ATP9B: variants seen among roughly 807,000 people sequenced by gnomAD.
ATP9B encodes the protein probable phospholipid-transporting ATPase IIB.
A neutral mutation model predicts 146.1 loss-of-function variants in ATP9B; 110 were observed. That is an observed-to-expected ratio of 0.75 (90% CI 0.65 to 0.88). The LOEUF (loss-of-function observed/expected upper bound fraction) is 0.88. Among genes scored for constraint, ATP9B ranks in the 40% least tolerant of loss-of-function variants. ATP9B has a pLI of 0.00. For missense variants in ATP9B, 1,499 were observed against 1,496.4 expected (o/e 1.00, Z -0.03); for synonymous variants, 604 against 569.7 (o/e 1.06, Z -0.86).
At position 79,365,678 on chromosome 18, in the gene ATP9B, G is replaced by A. The variant is rs182204501; in HGVS notation, c.3012+6216G>A. ...CATGCGTGGATGGAAGGACATCTCC[G>A]TGGACGGGGACAGCTCCCGCGTGAT... On this transcript the variant is annotated intron_variant, in intron 26 of 29. Transcript: ENST00000426216. Among the ~76,000 whole-genome samples, 14 of 151,684 alleles carry A rather than the reference G, an allele frequency of 9.2e-5. No individual in the cohort carries two copies. In the East Asian group the frequency reaches 2.0e-3, roughly 21 times the overall value.
chr18:79,200,779 A>AGGCGGAGGTGGGAACGTTGGGGTCAG (rs2095475928), intron 9 of ATP9B, among the ~76,000 whole-genome samples: 14 of 28,512 alleles, frequency 4.9e-4, no homozygotes, highest in South Asian at 8.9e-4. Flanking sequence ...GTCAGAGCAG[A>AGGCGGAGGTGGGAACGTTGGGGTCAG]AGTAGTGGTG....
intron 20 of ATP9B, among the ~76,000 whole-genome samples, chr18:79,342,568 C>T (rs1301720264): frequency 2.0e-5 from 3 of 151,490 alleles, no homozygotes; most frequent in Admixed American, 6.6e-5. Flanking sequence ...GCACATGTAC[C>T]CTAAAACTTT....
chr18:79,192,827 G>T (rs1600326463), intron 8 of ATP9B, among the ~76,000 whole-genome samples: 1 of 152,088 alleles, frequency 6.6e-6, no homozygotes, highest in Non-Finnish European at 1.5e-5. Flanking sequence ...AATTGCGATG[G>T]TTCCTTATTT....
chr18:79,286,617 T>C (rs2096445353), intron 13 of ATP9B, among the ~76,000 whole-genome samples: 1 of 152,142 alleles, frequency 6.6e-6, no homozygotes, highest in African/African-American at 2.4e-5. Flanking sequence ...TATTTCCTTC[T>C]CCTGCCTAAT....
At chr18:79,172,210 C>A (rs1331128513) in intron 7 of ATP9B, among the ~76,000 whole-genome samples, 283 of 144,968 alleles carry the variant, frequency 2.0e-3, no homozygotes, top group Non-Finnish European at 3.3e-3. Context: ...CCGTGCCCCG[C>A]CCTTGCGATC....
intron 1 of ATP9B, among the ~76,000 whole-genome samples, chr18:79,090,023 A>T (rs191322851): frequency 6.6e-6 from 1 of 152,102 alleles, no homozygotes; most frequent in Admixed American, 6.5e-5. Context: ...AACATGTGAT[A>T]TTTATCTTTC....
intron 2 of ATP9B, among the ~76,000 whole-genome samples, chr18:79,103,856 A>T (rs889593580): frequency 6.6e-6 from 1 of 152,094 alleles, no homozygotes. Flanking sequence ...GGCCCCCACG[A>T]CGTTGTGAAT....
chr18:79,087,826 A>C (rs530869060), intron 1 of ATP9B: 2 of 152,242 alleles, frequency 1.3e-5, no homozygotes, highest in South Asian at 4.1e-4. Context: ...CTTGTTTCTT[A>C]GCATGGCAGT....
intron 13 of ATP9B, among the ~76,000 whole-genome samples, chr18:79,291,965 G>A (rs2096508156): frequency 6.6e-6 from 1 of 152,180 alleles, no homozygotes; most frequent in Non-Finnish European, 1.5e-5. Flanking sequence ...GCCTGTCCTG[G>A]GCGTTCCACG....
chr18:79,163,869 T>TAC (rs56408063), intron 7 of ATP9B, among the ~76,000 whole-genome samples: 12,825 of 142,672 alleles, frequency 0.09, 554 homozygotes, highest in Middle Eastern at 0.19. Flanking sequence ...TTTTATTTTA[T>TAC]ACACACACAC....
At chr18:79,321,384 A>ATT (rs11339661) in intron 15 of ATP9B, among the ~76,000 whole-genome samples, 3 of 132,560 alleles carry the variant, frequency 2.3e-5, no homozygotes, top group Non-Finnish European at 3.3e-5. Flanking sequence ...TCATCTAGCA[A>ATT]TTTTTTTTTT....
chr18:79,148,542 C>T (rs938296248), intron 6 of ATP9B, among the ~76,000 whole-genome samples: 4 of 152,184 alleles, frequency 2.6e-5, no homozygotes, highest in African/African-American at 9.7e-5. Context: ...TAACCCAACA[C>T]TCATTCATGA....
chr18:79,377,347 G>A lies in ATP9B; in HGVS notation c.3408G>A (p.Lys1136=). The change falls in exon 30 of 30, where the codon AAG becomes AAA. Residue 1136 remains lysine, a synonymous_variant. Coordinates refer to ENST00000426216, the MANE Select transcript of ATP9B (RefSeq NM_198531.5). ...PLYVLKYLRR[K]LSPPSYCKLA... is the part of the protein sequence containing the mutation. ...ATGTCCTCAAGTACCTGAGGCGCAA[G>A]CTCTCTCCTCCCAGCTACTGCAAGC... 6.2e-7 allele frequency: 1 copy of A among 1,610,828 alleles called. No homozygotes were observed.
At chr18:79,138,772 A>G (rs1221042183) in intron 5 of ATP9B, among the ~76,000 whole-genome samples, 3 of 148,550 alleles carry the variant, frequency 2.0e-5, no homozygotes, top group Admixed American at 1.3e-4. Flanking sequence ...TTGTTCTTAC[A>G]TTAAAAAAAA....
At chr18:79,141,030 C>T (rs2094507469) in intron 5 of ATP9B, among the ~76,000 whole-genome samples, 3 of 152,022 alleles carry the variant, frequency 2.0e-5, no homozygotes, top group Non-Finnish European at 2.9e-5. Context: ...CCTTACTTGG[C>T]GATACCGTTT....
chr18:79,320,640 G>A (rs1292947373), intron 15 of ATP9B, among the ~76,000 whole-genome samples: 7 of 152,226 alleles, frequency 4.6e-5, no homozygotes, highest in Admixed American at 3.9e-4. Context: ...TGAAATGACA[G>A]GTTGTCTTTA....
chr18:79,255,208 T>C (rs919769312), intron 12 of ATP9B: 2 of 152,142 alleles, frequency 1.3e-5, no homozygotes, highest in African/African-American at 4.8e-5. Context: ...GGAGACACAA[T>C]CTTTGTCCTC....
chr18:79,279,607 G>C (rs376498769), intron 13 of ATP9B, among the ~76,000 whole-genome samples: 1 of 151,962 alleles, frequency 6.6e-6, no homozygotes, highest in African/African-American at 2.4e-5. Flanking sequence ...GCAACCATTA[G>C]GACATTTAAT....
In ATP9B at chr18:79,374,079, C is replaced by T. The variant is rs761849182; in HGVS notation, c.3252C>T (p.Leu1084=). ...FLSLGCYVSS[L]AFLNEYFGIG... is the part of the protein sequence containing the mutation. The stretch of plus-strand genomic sequence containing the variant: ...GCTTAGGCTGCTACGTGTCCTCACT[C>T]GCTTTTCTCAATGAATATTTTGGTA... Residue 1084 remains leucine (L), a synonymous_variant, in exon 28 of 30, where the codon CTC becomes CTT. Transcript: ENST00000426216. 1.4e-5 allele frequency: 23 copies of T among 1,614,186 alleles called. No individual in the cohort carries two copies. The highest frequency in any genetic ancestry group is 1.3e-4 in the South Asian group (12 of 91,076).
Sources: gnomAD v4.1 joint callset for allele counts (sites outside exome capture counted in the v4.1 genomes callset) on GRCh38, gnomAD v4.1.1 for gene constraint, MANE v1.5 for transcripts, NCBI Gene and HGNC (gene_info 2026-07-23, HGNC 2026-07-21) for gene names.